The following SCFD2 variants were observed in gnomAD, a reference collection of about 807,000 sequenced individuals.
The protein encoded by SCFD2 is sec1 family domain-containing protein 2.
Under a neutral mutation model 58.9 loss-of-function variants are expected in SCFD2, and 54 were observed. That is an observed-to-expected ratio of 0.92 (90% CI 0.74 to 1.15). SCFD2 has a LOEUF of 1.15. Among genes scored for constraint, SCFD2 ranks in the 50% most tolerant of loss-of-function variants. The pLI, the probability that SCFD2 is intolerant of heterozygous loss-of-function variation, is 0.00. For synonymous variants in SCFD2, 321 were observed against 335.9 expected (o/e 0.96, Z 0.49); for missense variants, 805 against 836.6 (o/e 0.96, Z 0.47).
At chr4:53,265,907 T>A (rs75457335) in intron 4 of SCFD2, among the ~76,000 whole-genome samples, 1 of 147,304 alleles carries the variant, frequency 6.8e-6, no homozygotes, top group African/African-American at 2.5e-5. Context: ...ATCCAGCTAA[T>A]TTTTTTTTTT....
intron 4 of SCFD2, among the ~76,000 whole-genome samples, chr4:53,219,645 G>A (rs566395223): frequency 6.6e-6 from 1 of 151,862 alleles, no homozygotes; most frequent in African/African-American, 2.4e-5. Flanking sequence ...CCACTGTCCT[G>A]CCCCCACTGT....
At chr4:52,896,215 T>G (rs1457095731) in intron 7 of SCFD2, among the ~76,000 whole-genome samples, 1 of 152,210 alleles carries the variant, frequency 6.6e-6, no homozygotes, top group Non-Finnish European at 1.5e-5. Flanking sequence ...GCTTTTGGTG[T>G]TTTAGACATG....
intron 1 of SCFD2, among the ~76,000 whole-genome samples, chr4:53,359,712 T>A (rs1216977453): frequency 6.6e-6 from 1 of 152,216 alleles, no homozygotes; most frequent in Non-Finnish European, 1.5e-5. Flanking sequence ...ACTACTCCAT[T>A]AAGCTGATAG....
At chr4:53,060,776 T>A (rs1471035659) in intron 5 of SCFD2, among the ~76,000 whole-genome samples, 13 of 152,276 alleles carry the variant, frequency 8.5e-5, no homozygotes, top group African/African-American at 2.9e-4. Context: ...TGTTAACATG[T>A]AATGAGTTTA....
intron 5 of SCFD2, among the ~76,000 whole-genome samples, chr4:53,113,779 T>C (rs900184395): frequency 6.6e-6 from 1 of 151,868 alleles, no homozygotes; most frequent in African/African-American, 2.4e-5. Flanking sequence ...TATTGGATAA[T>C]GTTTATAAAG....
At chr4:53,362,684 C>CAA (rs11377729) in intron 1 of SCFD2, among the ~76,000 whole-genome samples, 199 of 146,954 alleles carry the variant, frequency 1.4e-3, no homozygotes, top group Non-Finnish European at 1.1e-3. Flanking sequence ...TAAAATAAAG[C>CAA]AAAAAAAAAA....
chr4:52,874,607 A>G (rs1718428567), intron 8 of SCFD2, among the ~76,000 whole-genome samples: 1 of 152,198 alleles, frequency 6.6e-6, no homozygotes, highest in Admixed American at 6.5e-5. Flanking sequence ...GGAGCCTAGA[A>G]GTCCAAGATC....
intron 5 of SCFD2, among the ~76,000 whole-genome samples, chr4:52,979,407 A>G (rs1721326984): frequency 1.3e-5 from 2 of 152,064 alleles, no homozygotes; most frequent in African/African-American, 4.8e-5. Flanking sequence ...TATTTCAAAT[A>G]TATATATATT....
At chr4:53,203,233 T>C (rs1231928445) in intron 4 of SCFD2, among the ~76,000 whole-genome samples, 2 of 152,208 alleles carry the variant, frequency 1.3e-5, no homozygotes, top group East Asian at 3.8e-4. Flanking sequence ...GATTTTAGCC[T>C]GAAGGGTTGT....
At chr4:53,297,276 T>A (rs1174257361) in intron 3 of SCFD2, among the ~76,000 whole-genome samples, 1 of 152,146 alleles carries the variant, frequency 6.6e-6, no homozygotes, top group East Asian at 1.9e-4. Flanking sequence ...GGAGTCTACA[T>A]CTCTTTGTAG....
intron 1 of SCFD2, among the ~76,000 whole-genome samples, chr4:53,360,546 A>C (rs1458807793): frequency 1.3e-5 from 2 of 152,210 alleles, no homozygotes; most frequent in Non-Finnish European, 2.9e-5. Context: ...GGCCCTGGCC[A>C]TTCTGGCTTT....
At chr4:53,115,248 A>C (rs1725287942) in intron 5 of SCFD2, among the ~76,000 whole-genome samples, 1 of 152,160 alleles carries the variant, frequency 6.6e-6, no homozygotes, top group African/African-American at 2.4e-5. Context: ...GAGCACAAGA[A>C]GGAGAAAACA....
chr4:53,131,820 T>A (rs778786398), intron 5 of SCFD2, among the ~76,000 whole-genome samples: 11 of 152,246 alleles, frequency 7.2e-5, no homozygotes, highest in Non-Finnish European at 1.5e-4. Context: ...TTGTGTTCCA[T>A]GCATTCCATC....
At chr4:53,084,490 C>T (rs1724245659) in intron 5 of SCFD2, among the ~76,000 whole-genome samples, 1 of 152,156 alleles carries the variant, frequency 6.6e-6, no homozygotes, top group Admixed American at 6.6e-5. Flanking sequence ...ACCCAATTAT[C>T]ACAGTGGTCC....
chr4:53,296,458 G>T (rs528365675), intron 3 of SCFD2, among the ~76,000 whole-genome samples: 1 of 152,288 alleles, frequency 6.6e-6, no homozygotes, highest in South Asian at 2.1e-4. Context: ...ATGGTAGATT[G>T]TATGTCTGTG....
At chr4:53,111,387 C>T (rs1725169750) in intron 5 of SCFD2, among the ~76,000 whole-genome samples, 1 of 152,010 alleles carries the variant, frequency 6.6e-6, no homozygotes, top group Admixed American at 6.6e-5. Flanking sequence ...CGTACTGTTA[C>T]AGAACTTTCT....
rs1719343855 is a variant in SCFD2 at position 52,906,182 on chromosome 4, C to CAAGG, written c.1842+1274_1842+1275insCCTT. On this transcript the variant is annotated intron_variant, in intron 7 of 8. Coordinates refer to ENST00000401642, the MANE Select transcript of SCFD2 (RefSeq NM_152540.4). ...TCATTTGTACCCTTGGCCAGACCCC[C>CAAGG]CTGTACAGGGTCTGACTGCACCACA... is the stretch of plus-strand genomic sequence containing the variant. Among the ~76,000 whole-genome samples, 3 of 152,162 alleles carry CAAGG rather than the reference C, an allele frequency of 2.0e-5. No homozygotes were observed. In the South Asian group the frequency reaches 6.2e-4, roughly 32 times the overall value.
At chr4:53,363,141 T>C (rs1320642691) in intron 1 of SCFD2, among the ~76,000 whole-genome samples, 1 of 147,274 alleles carries the variant, frequency 6.8e-6, no homozygotes, top group Non-Finnish European at 1.5e-5. Context: ...TTTTTCTTTT[T>C]TTTTTCTTTT....
chr4:53,208,246 A>ACCAGGTG (rs778013553), intron 4 of SCFD2, among the ~76,000 whole-genome samples: 1 of 151,974 alleles, frequency 6.6e-6, no homozygotes, highest in Non-Finnish European at 1.5e-5. Context: ...GTCCTGGGCC[A>ACCAGGTG]GACACGAGCC....
Sources: gnomAD v4.1 joint callset for allele counts (sites outside exome capture counted in the v4.1 genomes callset) on GRCh38, gnomAD v4.1.1 for gene constraint, MANE v1.5 for transcripts, NCBI Gene and HGNC (gene_info 2026-07-23, HGNC 2026-07-21) for gene names.